SBF2: variants seen among roughly 807,000 people sequenced by gnomAD.
The protein encoded by SBF2 is myotubularin-related protein 13.
SBF2 carries 112 observed loss-of-function variants against 225.2 expected under a neutral mutation model. The ratio of observed to expected loss-of-function variants is 0.50; its 90% confidence interval spans 0.43 to 0.58. SBF2 has a LOEUF of 0.58. SBF2 is among the 20% of genes least tolerant of loss of function. The probability of loss-of-function intolerance (pLI) is 0.00; values close to 1 mark genes in which losing one functional copy is unlikely to be tolerated. For missense variants in SBF2, 1,996 were observed against 2,206.2 expected, an observed-to-expected ratio of 0.90 and a Z score of 1.91; for synonymous variants, 763 against 773.3, an observed-to-expected ratio of 0.99 and a Z score of 0.22.
intron 2 of SBF2, among the ~76,000 whole-genome samples, chr11:10,072,551 G>C (rs1021356343): frequency 1.3e-5 from 2 of 151,474 alleles, no homozygotes; most frequent in South Asian, 2.1e-4. Flanking sequence ...TACTTAAATA[G>C]AGGAAATAAG....
rs188335716 is a variant in SBF2 at position 10,122,981 on chromosome 11, G to A, written c.141+70921C>T. ...ACATACACACCCATACCTTGTCTCC[G>A]TTTTTCTTCTGCTTTCTGCCAAAAG... On this transcript the variant is annotated intron_variant, in intron 2 of 39. Coordinates refer to ENST00000256190, the MANE Select transcript of SBF2 (RefSeq NM_030962.4). Among the ~76,000 whole-genome samples the A allele has an allele frequency of 1.6e-4, 24 of 152,234 alleles. 1 individual carries two copies. The highest frequency in any genetic ancestry group is 4.1e-4 in the South Asian group (2 of 4,830).
intron 14 of SBF2, among the ~76,000 whole-genome samples, chr11:9,965,059 A>T (rs1410965996): frequency 4.6e-5 from 7 of 151,968 alleles, no homozygotes; most frequent in Non-Finnish European, 1.0e-4. Context: ...GCGTCTTATT[A>T]TTCCACACTT....
At chr11:9,925,276 C>A (rs1863940323) in intron 16 of SBF2, among the ~76,000 whole-genome samples, 2 of 151,970 alleles carry the variant, frequency 1.3e-5, no homozygotes, top group South Asian at 4.2e-4. Flanking sequence ...ATGTAAAAGT[C>A]ACTAATGATA....
intron 17 of SBF2, among the ~76,000 whole-genome samples, chr11:9,888,921 C>G (rs1279589873): frequency 6.6e-6 from 1 of 152,182 alleles, no homozygotes; most frequent in African/African-American, 2.4e-5. Context: ...TACTGCAAGT[C>G]AAACGTAGCA....
intron 12 of SBF2, among the ~76,000 whole-genome samples, chr11:9,990,793 T>C (rs1307057975): frequency 1.3e-5 from 2 of 152,112 alleles, no homozygotes; most frequent in Non-Finnish European, 2.9e-5. Context: ...AGAGACAAAA[T>C]GAAGCCTAAC....
chr11:10,151,497 T>G (rs2135173088), intron 2 of SBF2, among the ~76,000 whole-genome samples: 1 of 152,338 alleles, frequency 6.6e-6, no homozygotes, highest in East Asian at 1.9e-4. Flanking sequence ...TTCACATAAT[T>G]CCTTATAGAT....
intron 26 of SBF2, among the ~76,000 whole-genome samples, chr11:9,834,624 T>C (rs924584339): frequency 6.6e-6 from 1 of 152,184 alleles, no homozygotes; most frequent in East Asian, 1.9e-4. Flanking sequence ...TTTGGTGATC[T>C]AGGAAGCTGT....
chr11:10,029,837 G>A lies in SBF2; in HGVS notation c.441C>T (p.Ser147=). 1 of 1,613,876 alleles carries A rather than the reference G, an allele frequency of 6.2e-7. No individual in the cohort carries two copies. The highest frequency in any genetic ancestry group is 8.5e-7 in the Non-Finnish European group (1 of 1,179,786). ...TTAGACTTTCCAAGGAGACATTCAG[G>A]CTGTCCACATACACGGTATAGATCA... ...LGLIYTVYVD[S]LNVSLESLIA... Residue 147 remains serine, a synonymous_variant, in exon 5 of 40, where the codon AGC becomes AGT. Transcript: ENST00000256190.
chr11:10,071,261 CTCTCTTT>C (rs1383236630), intron 2 of SBF2, among the ~76,000 whole-genome samples: 62 of 116,720 alleles, frequency 5.3e-4, no homozygotes, highest in African/African-American at 1.8e-3. Context: ...TTTTCTCTCT[CTCTCTTT>C]TTTTTTTTTT....
At chr11:10,067,892 G>A (rs534618943) in intron 2 of SBF2, among the ~76,000 whole-genome samples, 6 of 151,898 alleles carry the variant, frequency 4.0e-5, no homozygotes, top group Middle Eastern at 3.4e-3. Context: ...CCCCTCCCCC[G>A]AATAAAAAAA....
chr11:10,034,901 T>C (rs1949378891), intron 3 of SBF2, among the ~76,000 whole-genome samples: 1 of 152,198 alleles, frequency 6.6e-6, no homozygotes, highest in African/African-American at 2.4e-5. Context: ...TTTAATCAAG[T>C]TGACATGTCT....
rs565021725 is a variant in SBF2 at position 9,794,213 on chromosome 11, G to GC, written c.4570+1617dup. On this transcript the variant is annotated intron_variant, in intron 33 of 39. Transcript: ENST00000256190. ...AAACAAAACAAAACAAAATACCACT[G>GC]CCCCCCTGCCCACGAAACAAAAAAA... is the stretch of plus-strand genomic sequence containing the variant. Among the ~76,000 whole-genome samples the GC allele has an allele frequency of 7.4e-3, 1,123 of 151,576 alleles. 14 individuals are homozygous for GC. The highest frequency in any genetic ancestry group is 0.037 in the Middle Eastern group (11 of 294).
chr11:9,931,442 A>G (rs1261462796), intron 16 of SBF2, among the ~76,000 whole-genome samples: 4 of 152,226 alleles, frequency 2.6e-5, no homozygotes, highest in South Asian at 2.1e-4. Context: ...CTGTTCTGCA[A>G]TATTTGCTGT....
chr11:10,149,187 G>A (rs774597048), intron 2 of SBF2: 2 of 152,310 alleles, frequency 1.3e-5, no homozygotes, highest in African/African-American at 4.8e-5. Flanking sequence ...TCATCTCTCT[G>A]TTAATTTACT....
intron 1 of SBF2, among the ~76,000 whole-genome samples, chr11:10,265,883 G>T (rs191738351): frequency 1.3e-5 from 2 of 151,280 alleles, no homozygotes; most frequent in Admixed American, 6.6e-5. Flanking sequence ...GTGCGCGCGC[G>T]CATGTGTGTG....
chr11:9,812,822 G>A, intron 29 of SBF2, 114 bp from the exon 30 acceptor site: 2 of 1,008,640 alleles, frequency 2.0e-6, no homozygotes, highest in Non-Finnish European at 3.0e-6. Flanking sequence ...TAGCTGCAGA[G>A]GCTGCCAATG....
At chr11:10,106,902 T>C (rs973455836) in intron 2 of SBF2, among the ~76,000 whole-genome samples, 1 of 152,034 alleles carries the variant, frequency 6.6e-6, no homozygotes, top group Non-Finnish European at 1.5e-5. Context: ...AGATGGAAAA[T>C]GAGCTCATAA....
intron 17 of SBF2, among the ~76,000 whole-genome samples, chr11:9,864,302 C>T (rs4910067): frequency 0.35 from 53,132 of 151,570 alleles, 9,799 homozygotes; most frequent in African/African-American, 0.47. Context: ...AATTTCTGCA[C>T]GAGAGGTATA....
intron 16 of SBF2, among the ~76,000 whole-genome samples, chr11:9,912,851 G>A (rs1862754549): frequency 6.6e-6 from 1 of 152,176 alleles, no homozygotes; most frequent in African/African-American, 2.4e-5. Context: ...CAAATGACAA[G>A]TCACTGCATA....
Sources: allele counts gnomAD v4.1 joint callset (sites outside exome capture counted in the v4.1 genomes callset), GRCh38; gene constraint gnomAD v4.1.1; transcripts MANE v1.5; gene names NCBI Gene and HGNC (gene_info 2026-07-23, HGNC 2026-07-21).